CDH18: variants seen among roughly 807,000 people sequenced by gnomAD.
CDH18 encodes cadherin 18.
In CDH18, 31 loss-of-function variants were observed where a neutral mutation model predicts 67.9. The ratio of observed to expected loss-of-function variants is 0.46; its 90% CI spans 0.34 to 0.62. CDH18 has a LOEUF of 0.62. CDH18 is among the 20% of genes least tolerant of loss of function. The pLI, the probability that CDH18 is intolerant of heterozygous loss-of-function variation, is 0.01. For synonymous variants in CDH18, 362 were observed against 347.2 expected (o/e 1.04, Z -0.48); for missense variants, 890 against 975.5 (o/e 0.91, Z 1.17).
rs553206655 is a variant in CDH18, at chr5:19,883,574, C to A, written c.-256-44332G>T. 2.6e-5 allele frequency among the ~76,000 whole-genome samples: 4 copies of A among 151,718 alleles called. No homozygotes were observed. The Middle Eastern group carries it at 0.01, about 390-fold the overall frequency. On this transcript the variant is annotated intron_variant, in intron 2 of 12. Transcript: ENST00000382275. ...AGTATTACATTTTCAAAGTGAGTTT[C>A]TCTTTTATATTTGTTTATATAGTTT...
intron 8 of CDH18, among the ~76,000 whole-genome samples, chr5:19,564,499 C>G (rs1376557699): frequency 6.6e-6 from 1 of 152,136 alleles, no homozygotes; most frequent in East Asian, 1.9e-4. Flanking sequence ...AGGGAAGAAC[C>G]CAGTCCTGGT....
chr5:20,294,313 C>A (rs1398151028), intron 1 of CDH18, among the ~76,000 whole-genome samples: 5 of 152,140 alleles, frequency 3.3e-5, no homozygotes, highest in Non-Finnish European at 5.9e-5. Context: ...CATGATTAAG[C>A]CTCAAATGTG....
At chr5:20,572,981 C>T (rs1013189967) in intron 1 of CDH18, among the ~76,000 whole-genome samples, 4 of 152,078 alleles carry the variant, frequency 2.6e-5, no homozygotes, top group African/African-American at 9.7e-5. Flanking sequence ...ATTATGTTTG[C>T]AGAGAAGCAC....
At chr5:19,681,306 C>T (rs534413341) in intron 5 of CDH18, among the ~76,000 whole-genome samples, 16 of 151,932 alleles carry the variant, frequency 1.1e-4, no homozygotes, top group Admixed American at 2.0e-4. Flanking sequence ...GCCTAAATGA[C>T]GAAATAATCT....
chr5:20,253,017 T>C (rs1055064567), intron 2 of CDH18, among the ~76,000 whole-genome samples: 7 of 151,888 alleles, frequency 4.6e-5, no homozygotes, highest in Non-Finnish European at 7.4e-5. Flanking sequence ...CTTAAAAGAA[T>C]AATTTTAGGG....
intron 2 of CDH18, among the ~76,000 whole-genome samples, chr5:20,071,050 T>G (rs980661047): frequency 6.6e-6 from 1 of 152,164 alleles, no homozygotes; most frequent in African/African-American, 2.4e-5. Context: ...CTTGAGGCTA[T>G]GAAAACATAT....
intron 2 of CDH18, among the ~76,000 whole-genome samples, chr5:19,874,912 A>G (rs2150034177): frequency 6.6e-6 from 1 of 152,280 alleles, no homozygotes; most frequent in Middle Eastern, 3.4e-3. Context: ...ATATTCTGTC[A>G]CACACCATAA....
chr5:19,973,997 A>G (rs1798266881), intron 2 of CDH18, among the ~76,000 whole-genome samples: 1 of 152,176 alleles, frequency 6.6e-6, no homozygotes, highest in Non-Finnish European at 1.5e-5. Context: ...TGATGATGCA[A>G]GCCAAATGAA....
chr5:20,373,236 TC>T (rs1481882368), intron 1 of CDH18, among the ~76,000 whole-genome samples: 1 of 152,212 alleles, frequency 6.6e-6, no homozygotes, highest in African/African-American at 2.4e-5. Flanking sequence ...CCTCTCAGAC[TC>T]TACATCAGAG....
chr5:20,520,868 T>C (rs1755702754), intron 1 of CDH18, among the ~76,000 whole-genome samples: 1 of 152,164 alleles, frequency 6.6e-6, no homozygotes, highest in Non-Finnish European at 1.5e-5. Flanking sequence ...ATCATCAACA[T>C]GTAGACTGAG....
intron 2 of CDH18, among the ~76,000 whole-genome samples, chr5:20,198,406 C>A (rs1472666782): frequency 6.6e-6 from 1 of 152,156 alleles, no homozygotes; most frequent in Non-Finnish European, 1.5e-5. Context: ...GGAAAGGTCA[C>A]TCTTACTACA....
chr5:20,317,647 T>A (rs2150000328), intron 1 of CDH18, among the ~76,000 whole-genome samples: 1 of 152,314 alleles, frequency 6.6e-6, no homozygotes, highest in East Asian at 1.9e-4. Context: ...GACTAATGCT[T>A]ACAAATTATG....
At chr5:19,852,374 A>G (rs969642006) in intron 2 of CDH18, among the ~76,000 whole-genome samples, 2 of 152,040 alleles carry the variant, frequency 1.3e-5, no homozygotes, top group African/African-American at 4.8e-5. Flanking sequence ...TCTGAAGTGT[A>G]CTTAGTAATA....
intron 2 of CDH18, among the ~76,000 whole-genome samples, chr5:20,240,887 G>T (rs1276140177): frequency 6.6e-6 from 1 of 152,118 alleles, no homozygotes; most frequent in East Asian, 1.9e-4. Flanking sequence ...GAAGAGAAAT[G>T]TATTCTGAAA....
intron 4 of CDH18, among the ~76,000 whole-genome samples, chr5:19,742,643 A>T (rs1043370649): frequency 6.6e-6 from 1 of 152,036 alleles, no homozygotes. Flanking sequence ...TCTATTTGTA[A>T]GTCTGCAGTT....
intron 2 of CDH18, among the ~76,000 whole-genome samples, chr5:19,914,999 T>C (rs1289616454): frequency 6.6e-6 from 1 of 152,162 alleles, no homozygotes; most frequent in African/African-American, 2.4e-5. Flanking sequence ...TTACTAAATG[T>C]CCTATGTGAT....
At chr5:19,686,549 T>G (rs1761120435) in intron 5 of CDH18, among the ~76,000 whole-genome samples, 2 of 152,292 alleles carry the variant, frequency 1.3e-5, no homozygotes, top group South Asian at 4.1e-4. Context: ...TGCGCGCACC[T>G]ACAAATACAT....
At chr5:19,721,912 G>A (rs1766150649) in intron 4 of CDH18, among the ~76,000 whole-genome samples, 1 of 152,108 alleles carries the variant, frequency 6.6e-6, no homozygotes, top group South Asian at 2.1e-4. Context: ...TTGGGAAGGT[G>A]GGTGAGTTGA....
chr5:19,741,852 C>T (rs1769253378), intron 4 of CDH18, among the ~76,000 whole-genome samples: 1 of 152,056 alleles, frequency 6.6e-6, no homozygotes, highest in Non-Finnish European at 1.5e-5. Flanking sequence ...GTGGGAGGAA[C>T]ACCACCGCAT....
Sources: gnomAD v4.1 joint callset for allele counts (sites outside exome capture counted in the v4.1 genomes callset) on GRCh38, gnomAD v4.1.1 for gene constraint, MANE v1.5 for transcripts, NCBI Gene and HGNC (gene_info 2026-07-23, HGNC 2026-07-21) for gene names.